MUC12: variants seen among roughly 807,000 people sequenced by gnomAD.
The protein encoded by MUC12 is mucin 12, cell surface associated.
Under a neutral mutation model 230.8 loss-of-function variants are expected in MUC12, and 172 were observed. That is an observed-to-expected ratio of 0.75 (90% CI 0.66 to 0.85). MUC12 has a LOEUF of 0.85. MUC12 is among the 40% of genes least tolerant of loss of function. The pLI is 0.00. For synonymous variants in MUC12, 1,259 were observed against 2,401.9 expected, an observed-to-expected ratio of 0.52 and a Z score of 13.91; for missense variants, 3,506 against 5,920.6, an observed-to-expected ratio of 0.59 and a Z score of 13.38.
Position 100,991,593 on chromosome 7 carries a change from C to A in MUC12, c.1030C>A (p.Pro344Thr), listed in dbSNP as rs865913396. The A allele has an allele frequency of 1.0e-5, 16 of 1,536,462 alleles. No homozygotes were observed. The Middle Eastern group carries it at 2.0e-3, about 192-fold the overall frequency. ...CAGCCCAGTTGCAACTGCAACAACA[C>A]CCCCACCTGCCCGCTCCGCGACCTC... The part of the protein sequence containing the change: ...HSSPVATATT[P>T]PPARSATSGH... Residue 344 changes from proline to threonine, a missense_variant, in exon 2 of 12, where the codon CCC (proline) becomes ACC (threonine). Coordinates refer to ENST00000536621, the MANE Select transcript of MUC12 (RefSeq NM_001164462.2).
chr7:101,008,440 C>CAGGTGAGCTTAG (rs1416230539), intron 3 of MUC12, among the ~76,000 whole-genome samples, 194 bp from the exon 4 acceptor site: 17 of 152,272 alleles, frequency 1.1e-4, no homozygotes, highest in African/African-American at 4.1e-4. Context: ...CATCAAAGGG[C>CAGGTGAGCTTAG]TTCTGTACTT....
intron 10 of MUC12, among the ~76,000 whole-genome samples, chr7:101,016,726 G>C (rs907928070): frequency 1.9e-4 from 29 of 151,918 alleles, no homozygotes; most frequent in Non-Finnish European, 3.5e-4. Context: ...GACGCAGCCT[G>C]GTGGAGATGA....
At chr7:100,989,129 C>T (rs1793240211) in intron 1 of MUC12, among the ~76,000 whole-genome samples, 1 of 133,748 alleles carries the variant, frequency 7.5e-6, no homozygotes, top group Non-Finnish European at 1.6e-5. Context: ...GAGACAGAGT[C>T]TCACTCTGTC....
In MUC12 at chr7:101,002,832, C is replaced by T; in HGVS notation, c.12269C>T (p.Thr4090Ile). Residue 4090 changes from threonine to isoleucine, a missense_variant, in exon 2 of 12, where the codon ACA (threonine) becomes ATA (isoleucine). Physicochemically the swap from Thr to Ile is moderately conservative, Grantham distance 89. Coordinates refer to ENST00000536621, the MANE Select transcript of MUC12 (RefSeq NM_001164462.2). ...AGCTGGCCAAGCTCAAGTGACACAA[C>T]ACCTTCACCTCCCAGCACCACAGCA... is the stretch of plus-strand genomic sequence containing the variant. The part of the protein sequence containing the change: ...FQSWPSSSDT[T>I]PSPPSTTAVP... The T allele has an allele frequency of 1.9e-6, 2 of 1,046,476 alleles. No homozygotes were observed. Among genetic ancestry groups the T allele is most frequent in the African/African-American group, 1.9e-5 (1 of 53,866 alleles). 64.8% of individuals were successfully genotyped at this position (1,046,476 alleles called of 1,614,324 possible).
chr7:101,003,794 A>G lies in MUC12; in HGVS notation c.13231A>G (p.Thr4411Ala), dbSNP rs1281827868. ...TTSGLVEEST[T>A]YHSSPGSTQT... The stretch of plus-strand genomic sequence containing the variant: ...CTCAGGCCTCGTTGAAGAATCTACG[A>G]CCTACCACAGCAGCCCGGGCTCAAC... Residue 4411 changes from threonine (T) to alanine (A), a missense_variant, in exon 2 of 12, where the codon ACC becomes GCC. Thr to Ala is a moderately conservative substitution (Grantham distance 58). Transcript: ENST00000536621. 2 of 1,503,244 alleles carry G rather than the reference A, an allele frequency of 1.3e-6. No individual in the cohort carries two copies. The highest frequency in any genetic ancestry group is 1.2e-5 in the South Asian group (1 of 83,288). 93.1% of individuals were successfully genotyped at this position (1,503,244 alleles called of 1,614,324 possible). A position where few individuals can be genotyped will look rare whatever the true frequency, so the allele number is the denominator to read the frequency against.
At position 101,005,356 on chromosome 7, in the gene MUC12, A is replaced by G. The variant is rs1793728181; in HGVS notation, c.14793A>G (p.Gly4931=). 6.5e-7 allele frequency: 1 copy of G among 1,537,764 alleles called. No homozygotes were observed. The highest frequency in any genetic ancestry group is 8.7e-7 in the Non-Finnish European group (1 of 1,147,056). Residue 4931 remains glycine (G), a synonymous_variant, in exon 2 of 12, where the codon GGA becomes GGG. Transcript: ENST00000536621. ...GCTCCACAGCCTCAGACCTTGTTGGAGAACCTACAACTTTCTACATCAGCC... is the reference window on the plus strand; with the variant it reads ...GCTCCACAGCCTCAGACCTTGTTGGGGAACCTACAACTTTCTACATCAGCC... ...PARSTASDLV[G]EPTTFYISPS...
chr7:100,990,771 G>GA lies in MUC12; in HGVS notation c.209dup (p.Asp70GlufsTer10). ...CTCAACTGCAACAAAACACTTCCTT[G>GA]ACAGCTCCACAAACTCAGGCCACAG... is the stretch of plus-strand genomic sequence containing the variant. On this transcript the variant is annotated frameshift_variant, in exon 2 of 12. Transcript: ENST00000536621. LOFTEE classifies it high-confidence loss of function. 2 of 1,537,768 alleles carry GA rather than the reference G, an allele frequency of 1.3e-6. No individual in the cohort carries two copies. The highest frequency in any genetic ancestry group is 1.7e-6 in the Non-Finnish European group (2 of 1,147,034).
chr7:101,009,231 A>G (rs1584846214), intron 5 of MUC12, 72 bp downstream of exon 5: 1 of 1,419,694 alleles, frequency 7.0e-7, no homozygotes, highest in Non-Finnish European at 9.6e-7. Flanking sequence ...GCCTCCTCCT[A>G]TCATGAATGG....
At chr7:101,011,896 T>C (rs1196438710) in intron 5 of MUC12, among the ~76,000 whole-genome samples, 1 of 152,240 alleles carries the variant, frequency 6.6e-6, no homozygotes, top group Non-Finnish European at 1.5e-5. Context: ...TTATTTTGTA[T>C]ATATACCCAG....
At chr7:100,978,790 C>T (rs1408960366) in intron 1 of MUC12, among the ~76,000 whole-genome samples, 3 of 152,174 alleles carry the variant, frequency 2.0e-5, no homozygotes, top group Admixed American at 2.0e-4. Context: ...GCCTGAAAAA[C>T]CAGCTGCCTT....
At position 101,014,076 on chromosome 7, in the gene MUC12, T is replaced by G; in HGVS notation, c.15800+2T>G. ...CCTATCCCAGAGAAAACGGCACAGG[T>G]GAGCTTGTGAGGCCAGCACCGCAGG... On this transcript the variant is annotated splice_donor_variant, in intron 9 of 11. Coordinates refer to ENST00000536621, the MANE Select transcript of MUC12 (RefSeq NM_001164462.2). LOFTEE classifies it high-confidence loss of function. The G allele has an allele frequency of 1.3e-6, 2 of 1,529,204 alleles. No homozygotes were observed. The highest frequency in any genetic ancestry group is 1.8e-6 in the Non-Finnish European group (2 of 1,142,332). 94.7% of individuals were successfully genotyped at this position (1,529,204 alleles called of 1,614,324 possible). A position where few individuals can be genotyped will look rare whatever the true frequency, so the allele number is the denominator to read the frequency against.
Position 101,004,404 on chromosome 7 carries a change from C to T in MUC12, c.13841C>T (p.Thr4614Ile), listed in dbSNP as rs1433171384. ...CACAGCAGCCCGGGCTCAACTCAAACAATGCACTTCCCTGAAAGCTCCACA... is the reference window on the plus strand; with the variant it reads ...CACAGCAGCCCGGGCTCAACTCAAATAATGCACTTCCCTGAAAGCTCCACA... ...AYHSSPGSTQTMHFPESSTAS... is the reference protein window; with the variant it reads ...AYHSSPGSTQIMHFPESSTAS... Residue 4614 changes from threonine to isoleucine, a missense_variant, in exon 2 of 12, where the codon ACA becomes ATA. Transcript: ENST00000536621. 2.7e-6 allele frequency: 4 copies of T among 1,505,252 alleles called. No individual in the cohort carries two copies. The highest frequency in any genetic ancestry group is 3.5e-6 in the Non-Finnish European group (4 of 1,134,972). 93.2% of individuals were successfully genotyped at this position (1,505,252 alleles called of 1,614,324 possible). A position where few individuals can be genotyped will look rare whatever the true frequency, so the allele number is the denominator to read the frequency against.
intron 1 of MUC12, among the ~76,000 whole-genome samples, chr7:100,971,771 G>T (rs1323568753): frequency 6.6e-6 from 1 of 152,308 alleles, no homozygotes; most frequent in African/African-American, 2.4e-5. Context: ...TGCTCCCAAG[G>T]CCTGGCCTAG....
In MUC12 at chr7:100,992,390, C is replaced by A. The variant is rs765695345; in HGVS notation, c.1827C>A (p.His609Gln). The A allele has an allele frequency of 1.3e-6, 2 of 1,537,192 alleles. No individual in the cohort carries two copies. The highest frequency in any genetic ancestry group is 1.7e-6 in the Non-Finnish European group (2 of 1,146,394). The change falls in exon 2 of 12, where the codon CAC (histidine) becomes CAA (glutamine). Residue 609 changes from histidine to glutamine, a missense_variant. Coordinates refer to ENST00000536621, the MANE Select transcript of MUC12 (RefSeq NM_001164462.2). ...TCCTTGAAGCATCTATGCCCGTCCA[C>A]AGCAGCACCAGATCGCCACACACAA... is the stretch of plus-strand genomic sequence containing the variant. ...SGLLEASMPV[H>Q]SSTRSPHTTL...
chr7:100,969,790 T>G, intron 1 of MUC12, 101 bp downstream of exon 1: 3 of 1,477,076 alleles, frequency 2.0e-6, no homozygotes, highest in Non-Finnish European at 2.7e-6. Context: ...CTCCTCCCCT[T>G]TGCATGGCAA....
rs1315815756 is a variant in MUC12 at position 101,005,039 on chromosome 7, C to G, written c.14476C>G (p.His4826Asp). The G allele has an allele frequency of 5.9e-6, 9 of 1,537,772 alleles. No homozygotes were observed. Among genetic ancestry groups the G allele is most frequent in the African/African-American group, 1.4e-5 (1 of 73,150 alleles). The change falls in exon 2 of 12, where the codon CAT (histidine) becomes GAT (aspartate). Residue 4826 changes from histidine to aspartate, a missense_variant. His to Asp is a moderately conservative substitution (Grantham distance 81). Coordinates refer to ENST00000536621, the MANE Select transcript of MUC12 (RefSeq NM_001164462.2). Reference protein sequence around the residue: ...SSFAQEFTTPHSQPGSALSTV... With the variant: ...SSFAQEFTTPDSQPGSALSTV... ...TTTTGCTCAAGAATTTACCACCCCT[C>G]ATAGCCAACCAGGCTCAGCTCTGTC...
At position 101,018,862 on chromosome 7, in the gene MUC12, C is replaced by T. The variant is rs901310264; in HGVS notation, c.*226C>T. The T allele has an allele frequency of 1.9e-5, 9 of 478,658 alleles. No individual in the cohort carries two copies. The highest frequency in any genetic ancestry group is 4.2e-5 in the South Asian group (1 of 24,096). 29.7% of individuals were successfully genotyped at this position (478,658 alleles called of 1,614,324 possible). A position where few individuals can be genotyped will look rare whatever the true frequency, so the allele number is the denominator to read the frequency against. ...GGAGCTTCCAGACTCCCAGAAGCCT[C>T]GGCACCCCTGTCTCCTCCTGGGTGG... On this transcript the variant is annotated 3_prime_UTR_variant, in exon 12 of 12. Transcript: ENST00000536621.
At chr7:101,011,593 TG>T (rs1317066333) in intron 5 of MUC12, among the ~76,000 whole-genome samples, 1 of 152,106 alleles carries the variant, frequency 6.6e-6, no homozygotes, top group Admixed American at 6.5e-5. Context: ...GGCTAATTTT[TG>T]TATTTTTTGT....
rs1193771460 is a variant in MUC12, at chr7:101,009,158, C to T, written c.15250C>T (p.Leu5084Phe). 1 of 1,537,558 alleles carries T rather than the reference C, an allele frequency of 6.5e-7. No individual in the cohort carries two copies. The highest frequency in any genetic ancestry group is 8.7e-7 in the Non-Finnish European group (1 of 1,146,864). ...TAGAGGGGTGAACATTCGGAGATTGCTGTGAGTATATTGGGGGGCAGGTTT... is the reference window on the plus strand; with the variant it reads ...TAGAGGGGTGAACATTCGGAGATTGTTGTGAGTATATTGGGGGGCAGGTTT... ...QYRGVNIRRL[L>F]NGSIVVKNDV... The change falls in exon 5 of 12, where the codon CTC becomes TTC. Residue 5084 changes from leucine (L) to phenylalanine (F), a missense_variant and splice_region_variant. By Grantham distance (22) the Leu-to-Phe change is conservative. Coordinates refer to ENST00000536621, the MANE Select transcript of MUC12 (RefSeq NM_001164462.2).
Sources: allele counts gnomAD v4.1 joint callset (sites outside exome capture counted in the v4.1 genomes callset), GRCh38; gene constraint gnomAD v4.1.1; transcripts MANE v1.5; gene names NCBI Gene and HGNC (gene_info 2026-07-23, HGNC 2026-07-21).